PHF24: variants seen among roughly 807,000 people sequenced by gnomAD.
The protein encoded by PHF24 is PHD finger protein 24, also known as Galpha inhibitory interacting protein.
In PHF24, 25 loss-of-function variants were observed where a neutral mutation model predicts 42.6. The ratio of observed to expected loss-of-function variants is 0.59; its 90% CI spans 0.43 to 0.82. The LOEUF (loss-of-function observed/expected upper bound fraction) is 0.82. Among genes scored for constraint, PHF24 ranks in the 40% least tolerant of loss-of-function variants. The probability of loss-of-function intolerance (pLI) is 0.00; values close to 1 mark genes in which losing one functional copy is unlikely to be tolerated. For missense variants in PHF24, 470 were observed against 538.1 expected (o/e 0.87, Z 1.25); for synonymous variants, 185 against 204.8 (o/e 0.90, Z 0.83).
the PHF24 span, among the ~76,000 whole-genome samples, chr9:34,713,670 A>G: frequency 6.6e-6 from 1 of 152,132 alleles, no homozygotes; most frequent in Non-Finnish European, 1.5e-5. Flanking sequence ...TTAACATTTT[A>G]AAATCTTTTA....
At chr9:34,853,653 C>A in the PHF24 span, among the ~76,000 whole-genome samples, 12 of 151,548 alleles carry the variant, frequency 7.9e-5, no homozygotes, top group Admixed American at 7.9e-4. Flanking sequence ...ACGGTGAAAC[C>A]CCGTCTCTAC....
At chr9:34,791,880 C>G in the PHF24 span, among the ~76,000 whole-genome samples, 1 of 152,082 alleles carries the variant, frequency 6.6e-6, no homozygotes, top group African/African-American at 2.4e-5. Context: ...TCTTTGAGTT[C>G]AAGAGAGAAT....
At position 34,964,275 on chromosome 9, in the gene PHF24, CCA is replaced by C. The variant is rs751484156; in HGVS notation, c.-5+5875_-5+5876del. Among the ~76,000 whole-genome samples the C allele has an allele frequency of 2.6e-5, 4 of 152,154 alleles. No homozygotes were observed. The East Asian group carries it at 5.8e-4, about 22-fold the overall frequency. ...CTTTTAAATAGCCTCCATCCCCATACCAAGAATCAGATTGAACCAGCTACTCG... is the reference window on the plus strand; with the variant it reads ...CTTTTAAATAGCCTCCATCCCCATACAGAATCAGATTGAACCAGCTACTCG... On this transcript the variant is annotated intron_variant, in intron 1 of 7. Coordinates refer to ENST00000242315, the Ensembl canonical transcript of PHF24.
the PHF24 span, among the ~76,000 whole-genome samples, chr9:34,850,167 A>G: frequency 6.1e-4 from 93 of 152,196 alleles, no homozygotes; most frequent in African/African-American, 2.2e-3. Flanking sequence ...AGATTGGGGA[A>G]GTTCTCCTGG....
At chr9:34,749,226 C>G in the PHF24 span, among the ~76,000 whole-genome samples, 1 of 151,976 alleles carries the variant, frequency 6.6e-6, no homozygotes, top group African/African-American at 2.4e-5. Flanking sequence ...AAAATACCCT[C>G]AAAAGGGCAA....
the PHF24 span, among the ~76,000 whole-genome samples, chr9:34,772,950 G>A: frequency 6.6e-6 from 1 of 151,816 alleles, no homozygotes; most frequent in Non-Finnish European, 1.5e-5. Context: ...AAAAGACCAG[G>A]AGCACCAGTA....
chr9:34,738,817 G>A, the PHF24 span, among the ~76,000 whole-genome samples: 9 of 152,262 alleles, frequency 5.9e-5, no homozygotes, highest in African/African-American at 1.2e-4. Flanking sequence ...CCTGCCCTTC[G>A]GTAAGAAGTA....
the PHF24 span, among the ~76,000 whole-genome samples, chr9:34,722,097 A>G: frequency 4.6e-5 from 7 of 152,234 alleles, no homozygotes; most frequent in African/African-American, 1.7e-4. Context: ...TCTCTGTATT[A>G]TCTGAAGCCA....
chr9:34,669,867 C>T, the PHF24 span, among the ~76,000 whole-genome samples: 1 of 152,036 alleles, frequency 6.6e-6, no homozygotes, highest in Non-Finnish European at 1.5e-5. Flanking sequence ...GATGAGATGG[C>T]TCAGGTTAGA....
At chr9:34,732,691 C>A in the PHF24 span, among the ~76,000 whole-genome samples, 1 of 152,290 alleles carries the variant, frequency 6.6e-6, no homozygotes, top group East Asian at 1.9e-4. Flanking sequence ...ACAAAGAAAT[C>A]TTTGCCCCTA....
chr9:34,904,659 C>T, the PHF24 span, among the ~76,000 whole-genome samples: 9 of 151,226 alleles, frequency 6.0e-5, no homozygotes, highest in African/African-American at 1.9e-4. Flanking sequence ...CATCTATACT[C>T]ATCAAGGATA....
At chr9:34,902,987 TGACTGA>T in the PHF24 span, among the ~76,000 whole-genome samples, 1 of 152,222 alleles carries the variant, frequency 6.6e-6, no homozygotes, top group Non-Finnish European at 1.5e-5. Flanking sequence ...GAATTAACCC[TGACTGA>T]GCAGCATTAC....
chr9:34,721,774 C>T, the PHF24 span, among the ~76,000 whole-genome samples: 1 of 152,184 alleles, frequency 6.6e-6, no homozygotes. Context: ...TGAGGCTGCT[C>T]CTGTTAAGGT....
At chr9:34,975,775 G>T (rs938829422) in intron 3 of PHF24, among the ~76,000 whole-genome samples, 1 of 151,756 alleles carries the variant, frequency 6.6e-6, no homozygotes, top group African/African-American at 2.4e-5. Flanking sequence ...TGGAGATGGA[G>T]CCGCTCTGCT....
the PHF24 span, among the ~76,000 whole-genome samples, chr9:34,862,561 A>G: frequency 6.6e-6 from 1 of 152,050 alleles, no homozygotes; most frequent in African/African-American, 2.4e-5. Flanking sequence ...GGAACCTGCT[A>G]CCTTGAAGGG....
the PHF24 span, among the ~76,000 whole-genome samples, chr9:34,788,676 T>A: frequency 6.6e-6 from 1 of 152,166 alleles, no homozygotes; most frequent in African/African-American, 2.4e-5. Flanking sequence ...AGTTTAGCGG[T>A]GTGCTCCCAT....
the PHF24 span, among the ~76,000 whole-genome samples, chr9:34,849,304 A>T: frequency 1.3e-5 from 2 of 152,070 alleles, no homozygotes; most frequent in African/African-American, 4.8e-5. Flanking sequence ...GTGCCTATAT[A>T]TTTAGGATAG....
the PHF24 span, among the ~76,000 whole-genome samples, chr9:34,840,559 T>C: frequency 1.7e-4 from 26 of 148,964 alleles, no homozygotes; most frequent in African/African-American, 6.2e-4. Flanking sequence ...CTTCTTCTTC[T>C]GACAAGGTCA....
chr9:34,728,024 T>C, the PHF24 span: 1 of 1,552,144 alleles, frequency 6.4e-7, no homozygotes, highest in Non-Finnish European at 8.7e-7. Context: ...TAGATCACCT[T>C]TTAATGATGG....
Sources: gnomAD v4.1 joint callset for allele counts (sites outside exome capture counted in the v4.1 genomes callset) on GRCh38, gnomAD v4.1.1 for gene constraint, MANE v1.5 for transcripts, NCBI Gene and HGNC (gene_info 2026-07-23, HGNC 2026-07-21) for gene names.